The following GPR107 variants were observed in gnomAD, a reference collection of about 807,000 sequenced individuals.
GPR107 encodes the protein protein GPR107.
Under a neutral mutation model 75.5 loss-of-function variants are expected in GPR107, and 31 were observed. The ratio of observed to expected loss-of-function variants is 0.41; its 90% CI spans 0.31 to 0.55. The LOEUF (loss-of-function observed/expected upper bound fraction) is 0.55, where lower values mean the gene tolerates loss of function less well. GPR107 is among the 20% of genes least tolerant of loss of function. The probability of loss-of-function intolerance (pLI) is 0.26; values close to 1 mark genes in which losing one functional copy is unlikely to be tolerated. For missense variants in GPR107, 572 were observed against 665.7 expected (o/e 0.86, Z 1.55); for synonymous variants, 267 against 251.3 (o/e 1.06, Z -0.59).
In GPR107 at chr9:130,128,774, T is replaced by C. The variant is rs1333928817; in HGVS notation, c.1562+13T>C. 6.2e-7 allele frequency: 1 copy of C among 1,612,936 alleles called. No individual in the cohort carries two copies. Among genetic ancestry groups the C allele is most frequent in the Non-Finnish European group, 8.5e-7 (1 of 1,178,914 alleles). On this transcript the variant is annotated intron_variant, in intron 17 of 17. Transcript: ENST00000347136. ...AAATGGAGTCCGTGTAAGAAATCTT[T>C]CTTCCCTCTTCCTTAGCCCTGACCC... is the stretch of plus-strand genomic sequence containing the variant.
intron 15 of GPR107, among the ~76,000 whole-genome samples, chr9:130,126,657 C>A (rs1400862597): frequency 6.6e-6 from 1 of 152,162 alleles, no homozygotes; most frequent in African/African-American, 2.4e-5. Flanking sequence ...GCCCTGTTTC[C>A]AAGTCTTTCA....
intron 7 of GPR107, among the ~76,000 whole-genome samples, chr9:130,088,436 A>T (rs1216108865): frequency 6.6e-6 from 1 of 152,114 alleles, no homozygotes; most frequent in Non-Finnish European, 1.5e-5. Context: ...TATCACTTCC[A>T]ACATGCTGTA....
At chr9:130,059,808 G>A (rs1401200203) in intron 1 of GPR107, among the ~76,000 whole-genome samples, 2 of 149,372 alleles carry the variant, frequency 1.3e-5, no homozygotes, top group African/African-American at 2.5e-5. Flanking sequence ...GTATAATCTC[G>A]GCTCACTGCA....
At chr9:130,080,412 T>C (rs1009280918) in intron 5 of GPR107, among the ~76,000 whole-genome samples, 4 of 152,164 alleles carry the variant, frequency 2.6e-5, no homozygotes, top group Non-Finnish European at 5.9e-5. Flanking sequence ...CTAGCCAATA[T>C]GGGGTATTTT....
At chr9:130,067,752 C>CCCTT (rs1554890696) in intron 1 of GPR107, among the ~76,000 whole-genome samples, 1 of 116,840 alleles carries the variant, frequency 8.6e-6, no homozygotes, top group African/African-American at 3.2e-5. Flanking sequence ...CCACCGCCCC[C>CCCTT]TTTTTTTTTT....
chr9:130,054,101 G>A (rs377009701), intron 1 of GPR107, 28 bp downstream of exon 1: 10 of 1,501,266 alleles, frequency 6.7e-6, no homozygotes, highest in African/African-American at 1.6e-5. Context: ...CGGGCCGGGG[G>A]GCGGAGGCCG....
intron 14 of GPR107, among the ~76,000 whole-genome samples, chr9:130,119,703 G>A (rs1023012471): frequency 1.3e-5 from 2 of 152,194 alleles, no homozygotes; most frequent in Admixed American, 6.5e-5. Context: ...TGTGACTGGA[G>A]CTCCAGTGTA....
rs980570816 is a variant in GPR107 at position 130,139,451 on chromosome 9, A to G, written c.*4330A>G. On this transcript the variant is annotated 3_prime_UTR_variant, in exon 18 of 18. Coordinates refer to ENST00000347136, the MANE Select transcript of GPR107 (RefSeq NM_020960.5). Reference sequence around the variant, plus strand: ...GGCCACTTCTGTAGCCCAGCGATGCATCTGAGCCTCTCTGCGTGGTTTATG... The same window carrying G: ...GGCCACTTCTGTAGCCCAGCGATGCGTCTGAGCCTCTCTGCGTGGTTTATG... 1 of 152,230 alleles carries G rather than the reference A, an allele frequency of 6.6e-6. No individual in the cohort carries two copies. Among genetic ancestry groups the G allele is most frequent in the East Asian group, 1.9e-4 (1 of 5,198 alleles). 9.4% of individuals were successfully genotyped at this position (152,230 alleles called of 1,614,324 possible). A position where few individuals can be genotyped will look rare whatever the true frequency, so the allele number is the denominator to read the frequency against.
chr9:130,113,060 T>C (rs1371690006), intron 14 of GPR107, among the ~76,000 whole-genome samples: 1 of 152,160 alleles, frequency 6.6e-6, no homozygotes, highest in Non-Finnish European at 1.5e-5. Context: ...AAGCTGCTTT[T>C]ATCTGGAAGA....
intron 9 of GPR107, among the ~76,000 whole-genome samples, chr9:130,098,139 T>C (rs1343127312): frequency 6.6e-6 from 1 of 152,134 alleles, no homozygotes; most frequent in Non-Finnish European, 1.5e-5. Context: ...CACCTCAGCC[T>C]CCCTAAGTGT....
At chr9:130,061,852 G>T (rs1362493373) in intron 1 of GPR107, among the ~76,000 whole-genome samples, 1 of 152,046 alleles carries the variant, frequency 6.6e-6, no homozygotes, top group Non-Finnish European at 1.5e-5. Flanking sequence ...GCTGAGGCAG[G>T]AGAACCACTT....
At chr9:130,124,696 G>C (rs986007910) in intron 14 of GPR107, among the ~76,000 whole-genome samples, 2 of 152,214 alleles carry the variant, frequency 1.3e-5, no homozygotes, top group African/African-American at 4.8e-5. Flanking sequence ...GCCAACTCCA[G>C]CTCATGGGGC....
rs868443114 is a variant in GPR107, at chr9:130,074,471, G to C, written c.142-1165G>C. ...TATAAAAATTGTTACACAACATAAA[G>C]TGTGTTTGTGGAAGCCCAGTTTTAG... is the stretch of plus-strand genomic sequence containing the variant. On this transcript the variant is annotated intron_variant, in intron 1 of 17. Transcript: ENST00000347136. Among the ~76,000 whole-genome samples the C allele has an allele frequency of 2.0e-5, 3 of 152,272 alleles. No homozygotes were observed. The South Asian group carries it at 6.2e-4, about 32-fold the overall frequency.
intron 7 of GPR107, among the ~76,000 whole-genome samples, chr9:130,088,051 C>T (rs1228074827): frequency 1.3e-5 from 2 of 152,104 alleles, no homozygotes; most frequent in Admixed American, 6.6e-5. Flanking sequence ...TCATTTTCGT[C>T]GCCATCCTTA....
intron 3 of GPR107, among the ~76,000 whole-genome samples, 167 bp downstream of exon 3, chr9:130,076,629 CTCAGTCCCCT>C (rs1327543988): frequency 6.6e-6 from 1 of 152,198 alleles, no homozygotes; most frequent in African/African-American, 2.4e-5. Context: ...ATCCTCCCGC[CTCAGTCCCCT>C]GAGTAGCTGG....
chr9:130,069,289 G>A (rs1041182567), intron 1 of GPR107, among the ~76,000 whole-genome samples: 2 of 152,182 alleles, frequency 1.3e-5, no homozygotes, highest in African/African-American at 4.8e-5. Context: ...AAGGTCAAGT[G>A]CTTGCAGTCT....
chr9:130,132,815 ATATT>A (rs1831859741), intron 17 of GPR107, among the ~76,000 whole-genome samples: 1 of 106,034 alleles, frequency 9.4e-6, no homozygotes, highest in African/African-American at 3.7e-5. Context: ...AAATATATAT[ATATT>A]TTTATATATT....
chr9:130,104,132 G>A (rs1831101989), intron 12 of GPR107, among the ~76,000 whole-genome samples: 1 of 152,210 alleles, frequency 6.6e-6, no homozygotes, highest in South Asian at 2.1e-4. Context: ...GGCTCCAAAG[G>A]TCCCAAGAGA....
chr9:130,099,665 C>T, intron 10 of GPR107, 133 bp downstream of exon 10: 1 of 605,046 alleles, frequency 1.7e-6, no homozygotes, highest in South Asian at 2.1e-5. Flanking sequence ...ATAAAGCCTC[C>T]TCTTGTCTGG....
Sources: gnomAD v4.1 joint callset for allele counts (sites outside exome capture counted in the v4.1 genomes callset) on GRCh38, gnomAD v4.1.1 for gene constraint, MANE v1.5 for transcripts, NCBI Gene and HGNC (gene_info 2026-07-23, HGNC 2026-07-21) for gene names.